Variants in LMNTD1 observed in about 807,000 individuals in gnomAD.
The protein encoded by LMNTD1 is lamin tail domain-containing protein 1.
LMNTD1 carries 35 observed loss-of-function variants against 50.9 expected under a neutral mutation model. That is an observed-to-expected ratio of 0.69 (90% confidence interval 0.53 to 0.91). LMNTD1 has a LOEUF of 0.91. Ranked by LOEUF, LMNTD1 falls within the 40% of genes least tolerant of loss-of-function variation. LMNTD1 has a pLI of 0.00. For missense variants in LMNTD1, 470 were observed against 475.5 expected, an observed-to-expected ratio of 0.99 and a Z score of 0.11; for synonymous variants, 153 against 161.9, an observed-to-expected ratio of 0.94 and a Z score of 0.42.
At chr12:25,504,706 T>G (rs1224856515) in intron 8 of LMNTD1, among the ~76,000 whole-genome samples, 1 of 152,196 alleles carries the variant, frequency 6.6e-6, no homozygotes, top group Non-Finnish European at 1.5e-5. Flanking sequence ...AAGCTGGAAG[T>G]GAAAATGTGA....
At chr12:25,554,578 T>C (rs776642195), upstream of LMNTD1, among the ~76,000 whole-genome samples, 6 of 152,206 alleles carry the variant, frequency 3.9e-5, no homozygotes, top group African/African-American at 9.7e-5. Context: ...AAGTGAACCA[T>C]AGAGAGCATT....
chr12:25,557,045 G>A (rs1224386181), upstream of LMNTD1, among the ~76,000 whole-genome samples: 1 of 152,140 alleles, frequency 6.6e-6, no homozygotes, highest in Non-Finnish European at 1.5e-5. Context: ...ACTATGACAT[G>A]TTCCATTATC....
chr12:25,518,826 C>T lies in LMNTD1; in HGVS notation c.1158G>A (p.Arg386=), dbSNP rs781360582. The T allele has an allele frequency of 6.2e-6, 10 of 1,613,986 alleles. No homozygotes were observed. The Admixed American group carries it at 1.3e-4, about 22-fold the overall frequency. Residue 386 remains arginine, a synonymous_variant, in exon 8 of 10, where the codon AGG becomes AGA. Transcript: ENST00000458174. ...CTCGATTAGGTCTGGTTGACCGAGT[C>T]CTGGGCTGTCTATCCAATCTGCCTC... ...TAGGRLDRQP[R]TRSTRPNRAS...
rs774863133 is a variant in LMNTD1 at position 25,544,021 on chromosome 12, C to T, written c.491+2353G>A. Among the ~76,000 whole-genome samples the T allele has an allele frequency of 3.3e-5, 5 of 151,814 alleles. No homozygotes were observed. The East Asian group carries it at 5.8e-4, about 18-fold the overall frequency. On this transcript the variant is annotated intron_variant, in intron 4 of 9. Transcript: ENST00000458174. Reference sequence around the variant, plus strand: ...AGAGTCTATTCAGGAAAATGTTCCACGTGCTGATGAAAAGAATGTATATTC... The same window carrying T: ...AGAGTCTATTCAGGAAAATGTTCCATGTGCTGATGAAAAGAATGTATATTC...
At chr12:25,612,323 C>T (rs915288943) in intron 1 of LMNTD1, among the ~76,000 whole-genome samples, 1 of 123,418 alleles carries the variant, frequency 8.1e-6, no homozygotes, top group African/African-American at 2.6e-5. Context: ...CACACACACA[C>T]ACACACGCGC....
intron 1 of LMNTD1, among the ~76,000 whole-genome samples, chr12:25,604,579 A>C (rs889001395): frequency 4.6e-5 from 7 of 151,064 alleles, no homozygotes; most frequent in African/African-American, 1.7e-4. Flanking sequence ...ATTCCCACCT[A>C]TGAGTGAGAA....
chr12:25,635,462 AAC>A (rs1946811356), intron 1 of LMNTD1, among the ~76,000 whole-genome samples: 1 of 152,190 alleles, frequency 6.6e-6, no homozygotes, highest in Non-Finnish European at 1.5e-5. Context: ...AAAACTGTAA[AAC>A]ACTGCTGAAA....
At chr12:25,549,857 CT>C (rs1943653295) in intron 2 of LMNTD1, among the ~76,000 whole-genome samples, 1 of 152,162 alleles carries the variant, frequency 6.6e-6, no homozygotes, top group Non-Finnish European at 1.5e-5. Flanking sequence ...ATTTTACCAT[CT>C]CCTTCCAGGC....
intron 1 of LMNTD1, among the ~76,000 whole-genome samples, chr12:25,613,678 T>C (rs993933725): frequency 7.9e-5 from 12 of 152,168 alleles, no homozygotes; most frequent in African/African-American, 2.9e-4. Flanking sequence ...AAGAGATGAT[T>C]GAATGCATGC....
At chr12:25,523,999 A>G (rs1678547) in intron 6 of LMNTD1, among the ~76,000 whole-genome samples, 110,652 of 151,940 alleles carry the variant, frequency 0.73, 41,471 homozygotes, top group East Asian at 0.85. Flanking sequence ...TGTGGCTAGA[A>G]CAGAGTGCAT....
intron 8 of LMNTD1, among the ~76,000 whole-genome samples, chr12:25,516,804 C>T (rs1940814088): frequency 6.6e-6 from 1 of 151,594 alleles, no homozygotes; most frequent in Middle Eastern, 3.4e-3. Flanking sequence ...TTGCAACCTA[C>T]TCATCTGACA....
chr12:25,559,841 CT>C (rs762061624), intron 1 of LMNTD1, among the ~76,000 whole-genome samples: 1 of 152,220 alleles, frequency 6.6e-6, no homozygotes, highest in Non-Finnish European at 1.5e-5. Flanking sequence ...GCATAAATGT[CT>C]TCTTTTGAGA....
At position 25,483,704 on chromosome 12, in the gene LMNTD1, G is replaced by A. The variant is rs1938518726; in HGVS notation, c.*23-7244C>T. Among the ~76,000 whole-genome samples, 9 of 151,734 alleles carry A rather than the reference G, an allele frequency of 5.9e-5. No individual in the cohort carries two copies. In the South Asian group the frequency reaches 1.9e-3, roughly 32 times the overall value. On this transcript the variant is annotated intron_variant, in intron 9 of 9. Coordinates refer to ENST00000458174, the MANE Select transcript of LMNTD1 (RefSeq NM_001145728.2). The stretch of plus-strand genomic sequence containing the variant: ...GAAGCATCATTTGAACTCAGGAGGC[G>A]GAAGTTGCAGTGAGCCAAGATTGCG...
chr12:25,510,730 TA>T (rs1210926250), intron 8 of LMNTD1, among the ~76,000 whole-genome samples: 3 of 152,168 alleles, frequency 2.0e-5, no homozygotes, highest in African/African-American at 7.2e-5. Context: ...AAATTCTCAT[TA>T]AAATACCAGT....
At chr12:25,617,972 A>G (rs1348189936) in intron 1 of LMNTD1, among the ~76,000 whole-genome samples, 1 of 152,180 alleles carries the variant, frequency 6.6e-6, no homozygotes, top group African/African-American at 2.4e-5. Flanking sequence ...TGTTGTCCCC[A>G]TTGTGCAGGA....
rs1304093540 is a variant in LMNTD1 at position 25,541,452 on chromosome 12, G to GA, written c.491+4921dup. ...ACTATCTGATCTTTGACAAACCTGA[G>GA]AAAAACAAGCAATGGGGAAAGGATT... is the stretch of plus-strand genomic sequence containing the variant. On this transcript the variant is annotated intron_variant, in intron 4 of 9. Transcript: ENST00000458174. 2.5e-3 allele frequency among the ~76,000 whole-genome samples: 339 copies of GA among 135,658 alleles called. 1 individual carries two copies. Among genetic ancestry groups the GA allele is most frequent in the African/African-American group, 7.6e-3 (283 of 37,362 alleles). The allele number at this position is 135,658 out of a possible 152,430, so 89.0% of individuals were successfully genotyped here. A position where few individuals can be genotyped will look rare whatever the true frequency, so the allele number is the denominator to read the frequency against.
Position 25,519,897 on chromosome 12 carries a change from G to A in LMNTD1, c.977C>T (p.Ser326Leu). ...EKQDQPKKDI[S>L]NYQVEQAQVL... ...TTGAGCTTGTTCCACCTGATAATTT[G>A]AGATATCTTTCTTAGGTTGATCTTG... The change falls in exon 7 of 10, where the codon TCA becomes TTA. Residue 326 changes from serine to leucine, a missense_variant. Physicochemically the swap from Ser to Leu is moderately radical, Grantham distance 145. Transcript: ENST00000458174. 2 of 1,611,764 alleles carry A rather than the reference G, an allele frequency of 1.2e-6. No individual in the cohort carries two copies. The highest frequency in any genetic ancestry group is 1.7e-6 in the Non-Finnish European group (2 of 1,179,212).
chr12:25,501,989 G>T (rs1177128734), intron 9 of LMNTD1, among the ~76,000 whole-genome samples: 1 of 152,160 alleles, frequency 6.6e-6, no homozygotes, highest in Non-Finnish European at 1.5e-5. Context: ...GAAAACAGAA[G>T]TAAGGCATCT....
rs527589235 is a variant in LMNTD1, at chr12:25,627,879, A to C, written c.58+20615T>G. ...AATCCCAGCACTTTGGGAGGCCGAG[A>C]CGGGCGGATCACGAGGTCAGGAGAT... On this transcript the variant is annotated intron_variant, in intron 1 of 7. Transcript: ENST00000445693. Among the ~76,000 whole-genome samples the C allele has an allele frequency of 4.9e-4, 75 of 151,826 alleles. 2 individuals carry two copies. In the Middle Eastern group the frequency reaches 0.01, roughly 21 times the overall value.
Sources: allele counts gnomAD v4.1 joint callset (sites outside exome capture counted in the v4.1 genomes callset), GRCh38; gene constraint gnomAD v4.1.1; transcripts MANE v1.5; gene names NCBI Gene and HGNC (gene_info 2026-07-23, HGNC 2026-07-21).